The following SLC41A3 variants were observed in gnomAD, a reference collection of about 807,000 sequenced individuals.
SLC41A3 encodes the protein SLC41A1-like 2.
In SLC41A3, 44 loss-of-function variants were observed where a neutral mutation model predicts 45.4. The ratio of observed to expected loss-of-function variants is 0.97; its 90% CI spans 0.76 to 1.25. The LOEUF (loss-of-function observed/expected upper bound fraction) is 1.25. SLC41A3 is among the 50% of genes most tolerant of loss of function. The pLI, the probability that SLC41A3 is intolerant of heterozygous loss-of-function variation, is 0.00. For missense variants in SLC41A3, 550 were observed against 600.6 expected, an observed-to-expected ratio of 0.92 and a Z score of 0.88; for synonymous variants, 256 against 252.4, an observed-to-expected ratio of 1.01 and a Z score of -0.13.
intron 3 of SLC41A3, among the ~76,000 whole-genome samples, chr3:126,041,269 AG>A (rs1316095380): frequency 6.7e-6 from 1 of 148,186 alleles, no homozygotes; most frequent in South Asian, 2.3e-4. Flanking sequence ...GGAGTTATGG[AG>A]GGGGGGTGGG....
intron 1 of SLC41A3, among the ~76,000 whole-genome samples, chr3:126,078,199 C>T (rs1014093112): frequency 2.0e-5 from 3 of 152,206 alleles, no homozygotes; most frequent in African/African-American, 7.2e-5. Flanking sequence ...TCCCTTAGGT[C>T]CTAACAGCAG....
At chr3:126,022,563 C>G (rs1940981620) in intron 6 of SLC41A3, among the ~76,000 whole-genome samples, 1 of 152,228 alleles carries the variant, frequency 6.6e-6, no homozygotes, top group Non-Finnish European at 1.5e-5. Context: ...CCCATGATAA[C>G]TCATTAATCC....
chr3:126,086,748 T>C (rs574790969), upstream of SLC41A3, among the ~76,000 whole-genome samples: 1 of 152,248 alleles, frequency 6.6e-6, no homozygotes, highest in South Asian at 2.1e-4. Context: ...AAACAGGCTA[T>C]CATGAATTTA....
intron 4 of SLC41A3, among the ~76,000 whole-genome samples, chr3:126,029,427 T>C (rs115000014): frequency 0.025 from 3,851 of 151,524 alleles, 66 homozygotes; most frequent in Non-Finnish European, 0.038. Flanking sequence ...TTCCCTTCTG[T>C]CTCCCACCAT....
At chr3:126,036,927 C>T (rs1450224139) in intron 3 of SLC41A3, among the ~76,000 whole-genome samples, 2 of 152,166 alleles carry the variant, frequency 1.3e-5, no homozygotes. Flanking sequence ...ACAGAGAGAG[C>T]TCCTACATAC....
At position 126,059,310 on chromosome 3, in the gene SLC41A3, G is replaced by GAAA. The variant is rs1553740822; in HGVS notation, c.274-8261_274-8260insTTT. ...AGAAAGAAAGAAAGAAAGAAAGAAA[G>GAAA]GAAGGATGATCTGTGATAAGTGCTC... On this transcript the variant is annotated intron_variant, in intron 2 of 10. Transcript: ENST00000360370. Among the ~76,000 whole-genome samples the GAAA allele has an allele frequency of 9.7e-3, 849 of 87,884 alleles. 7 individuals are homozygous for GAAA. The highest frequency in any genetic ancestry group is 0.011 in the African/African-American group (248 of 22,586). The allele number at this position is 87,884 out of a possible 152,430, so 57.7% of individuals were successfully genotyped here. A position where few individuals can be genotyped will look rare whatever the true frequency, so the allele number is the denominator to read the frequency against.
rs377036269 is a variant in SLC41A3, at chr3:126,060,279, C to T, written c.273+7668G>A. 1.7e-4 allele frequency among the ~76,000 whole-genome samples: 26 copies of T among 152,076 alleles called. No individual in the cohort carries two copies. The East Asian group carries it at 3.3e-3, about 19-fold the overall frequency. Reference sequence around the variant, plus strand: ...ACTAATAATACAAAAATTAGCTGGGCGTGGTGGCGCATGCCTGTAATCCCA... The same window carrying T: ...ACTAATAATACAAAAATTAGCTGGGTGTGGTGGCGCATGCCTGTAATCCCA... On this transcript the variant is annotated intron_variant, in intron 2 of 10. Transcript: ENST00000360370.
intron 10 of SLC41A3, 139 bp downstream of exon 10, chr3:126,008,593 A>G: frequency 1.7e-6 from 2 of 1,201,110 alleles, no homozygotes; most frequent in South Asian, 2.9e-5. Context: ...AAGTTGACTC[A>G]ACTCCTGGAA....
chr3:126,057,236 G>A, intron 2 of SLC41A3: 1 of 918,966 alleles, frequency 1.1e-6, no homozygotes, highest in South Asian at 5.0e-5. Flanking sequence ...AGGAAGCTGT[G>A]TTCACAGAAA....
chr3:126,066,427 C>T (rs1286951097), intron 2 of SLC41A3, among the ~76,000 whole-genome samples: 2 of 152,182 alleles, frequency 1.3e-5, no homozygotes, highest in African/African-American at 4.8e-5. Context: ...TATTGGGATA[C>T]ATACATGCTT....
chr3:126,097,078 G>A (rs1489205033), intron 1 of SLC41A3, among the ~76,000 whole-genome samples: 1 of 152,174 alleles, frequency 6.6e-6, no homozygotes. Flanking sequence ...AAAGAGAGAA[G>A]GTCATGTTTG....
chr3:126,065,747 CA>C lies in SLC41A3; in HGVS notation c.273+2199del, dbSNP rs1450689369. On this transcript the variant is annotated intron_variant, in intron 2 of 10. Transcript: ENST00000360370. ...ATGCATAGCAAAAAGCCACCAAAAG[CA>C]AAGTCAAAAGATAAATGGAAAAAAA... 2.6e-5 allele frequency among the ~76,000 whole-genome samples: 4 copies of C among 152,084 alleles called. No individual in the cohort carries two copies. In the South Asian group the frequency reaches 6.2e-4, roughly 24 times the overall value.
rs752348414 is a variant in SLC41A3 at position 126,006,485 on chromosome 3, G to C, written c.*531C>G. On this transcript the variant is annotated 3_prime_UTR_variant, in exon 11 of 11. Coordinates refer to ENST00000360370, the MANE Select transcript of SLC41A3 (RefSeq NM_017836.4). ...ACACGATTAAATGTTGAGTGCAGAT[G>C]AAGGGTTGTATGAGGCCCCATCCTG... The C allele has an allele frequency of 1.2e-6, 2 of 1,614,122 alleles. No individual in the cohort carries two copies. Among genetic ancestry groups the C allele is most frequent in the South Asian group, 2.2e-5 (2 of 91,032 alleles).
At chr3:126,061,399 A>T (rs1474835138) in intron 2 of SLC41A3, among the ~76,000 whole-genome samples, 2 of 151,530 alleles carry the variant, frequency 1.3e-5, no homozygotes, top group African/African-American at 4.9e-5. Context: ...CCCCTGCAAC[A>T]CCTCCTCCTG....
Position 126,006,406 on chromosome 3 carries a change from T to C in SLC41A3, c.*610A>G. On this transcript the variant is annotated 3_prime_UTR_variant, in exon 11 of 11. Coordinates refer to ENST00000360370, the MANE Select transcript of SLC41A3 (RefSeq NM_017836.4). ...TTTTACACTTCTCTGATTATTGAAATCTAAATAGAGGTTTTTGCTAACAAA... is the reference window on the plus strand; with the variant it reads ...TTTTACACTTCTCTGATTATTGAAACCTAAATAGAGGTTTTTGCTAACAAA... The C allele has an allele frequency of 6.2e-7, 1 of 1,609,566 alleles. No homozygotes were observed. The highest frequency in any genetic ancestry group is 1.3e-5 in the African/African-American group (1 of 74,416).
chr3:126,046,702 C>A (rs1942981332), intron 3 of SLC41A3, among the ~76,000 whole-genome samples: 1 of 152,124 alleles, frequency 6.6e-6, no homozygotes, highest in South Asian at 2.1e-4. Context: ...TGGCTCATGC[C>A]TGTAATCCCA....
intron 1 of SLC41A3, among the ~76,000 whole-genome samples, chr3:126,093,464 G>A (rs1031869963): frequency 6.7e-4 from 102 of 151,146 alleles, no homozygotes; most frequent in Admixed American, 2.3e-3. Flanking sequence ...TACCACAGCC[G>A]GTAGTGCTGC....
intron 3 of SLC41A3, among the ~76,000 whole-genome samples, chr3:126,034,228 A>C (rs576210522): frequency 6.6e-6 from 1 of 152,322 alleles, no homozygotes; most frequent in East Asian, 1.9e-4. Context: ...CATCCCATTT[A>C]AGGAACACAT....
chr3:126,096,626 T>A (rs1937590221), intron 1 of SLC41A3, among the ~76,000 whole-genome samples: 1 of 152,278 alleles, frequency 6.6e-6, no homozygotes, highest in Admixed American at 6.5e-5. Flanking sequence ...CTGCTACAGA[T>A]AACTAGCCAG....
Sources: gnomAD v4.1 joint callset for allele counts (sites outside exome capture counted in the v4.1 genomes callset) on GRCh38, gnomAD v4.1.1 for gene constraint, MANE v1.5 for transcripts, NCBI Gene and HGNC (gene_info 2026-07-23, HGNC 2026-07-21) for gene names.